API5: variants seen among roughly 807,000 people sequenced by gnomAD.
API5 encodes FIF.
API5 carries 6 observed loss-of-function variants against 71.9 expected under a neutral mutation model. The ratio of observed to expected loss-of-function variants is 0.08; its 90% CI spans 0.05 to 0.16. The LOEUF is 0.16. Ranked by LOEUF, API5 falls within the 10% of genes least tolerant of loss-of-function variation. The probability of loss-of-function intolerance (pLI) is 1.00; values close to 1 mark genes in which losing one functional copy is unlikely to be tolerated. For synonymous variants in API5, 189 were observed against 221.3 expected (o/e 0.85, Z 1.30); for missense variants, 332 against 612.8 (o/e 0.54, Z 4.84).
chr11:43,336,490 G>A (rs751807369), intron 13 of API5, among the ~76,000 whole-genome samples: 6 of 152,178 alleles, frequency 3.9e-5, no homozygotes, highest in Non-Finnish European at 5.9e-5. Flanking sequence ...CAAGGAAGAT[G>A]TGTTCTATTG....
Position 43,322,069 on chromosome 11 carries a change from T to G in API5, c.476T>G (p.Leu159Arg), listed in dbSNP as rs1341583986. 11 of 1,613,576 alleles carry G rather than the reference T, an allele frequency of 6.8e-6. No individual in the cohort carries two copies. Among genetic ancestry groups the G allele is most frequent in the East Asian group, 2.2e-5 (1 of 44,834 alleles). ...GCAATTAAATTCCTTTCTACAAAAC[T>G]TAAGACTTTACCAGATGAAGTCTTA... Reference protein sequence around the residue: ...ERAIKFLSTKLKTLPDEVLTK... With the variant: ...ERAIKFLSTKRKTLPDEVLTK... The change falls in exon 5 of 14, where the codon CTT (leucine) becomes CGT (arginine). Residue 159 changes from leucine to arginine, a missense_variant. Around this residue, in one of 3 missense-constraint regions of API5, gnomAD observed 127 missense variants for 237.6 expected, o/e 0.53. Coordinates refer to ENST00000531273, the MANE Select transcript of API5 (RefSeq NM_001142930.2).
chr11:43,312,699 A>G (rs11823539), intron 1 of API5, among the ~76,000 whole-genome samples: 36,244 of 151,902 alleles, frequency 0.24, 6,668 homozygotes, highest in African/African-American at 0.5. Context: ...CTTTGATGAG[A>G]GCTCACGGTT....
rs1406206304 is a variant in API5 at position 43,344,285 on chromosome 11, C to G, written c.*1775C>G. 1 of 152,562 alleles carries G rather than the reference C, an allele frequency of 6.6e-6. No individual in the cohort carries two copies. The highest frequency in any genetic ancestry group is 1.5e-5 in the Non-Finnish European group (1 of 68,030). 9.5% of individuals were successfully genotyped at this position (152,562 alleles called of 1,614,324 possible). A position where few individuals can be genotyped will look rare whatever the true frequency, so the allele number is the denominator to read the frequency against. Reference sequence around the variant, plus strand: ...GTCTTTATAAGCATATTTGTAAACTCAGAACTGAGCAGAAGTGACTTTACT... The same window carrying G: ...GTCTTTATAAGCATATTTGTAAACTGAGAACTGAGCAGAAGTGACTTTACT... On this transcript the variant is annotated 3_prime_UTR_variant, in exon 14 of 14. Coordinates refer to ENST00000531273, the MANE Select transcript of API5 (RefSeq NM_001142930.2).
At chr11:43,322,244 C>G (rs1854919908) in intron 5 of API5, 108 bp downstream of exon 5, 2 of 1,061,830 alleles carry the variant, frequency 1.9e-6, no homozygotes, top group African/African-American at 1.6e-5. Context: ...AATGATATAT[C>G]ATATATCCCA....
chr11:43,322,467 C>G (rs201475335), intron 5 of API5, among the ~76,000 whole-genome samples: 3 of 152,114 alleles, frequency 2.0e-5, no homozygotes, highest in African/African-American at 7.2e-5. Context: ...AGGATACTCT[C>G]TCATAGTATT....
chr11:43,340,920 A>G (rs2134389690), intron 13 of API5, among the ~76,000 whole-genome samples: 1 of 152,280 alleles, frequency 6.6e-6, no homozygotes, highest in South Asian at 2.1e-4. Flanking sequence ...ACAGGCAACA[A>G]AAACATGGGA....
intron 13 of API5, among the ~76,000 whole-genome samples, chr11:43,340,827 A>G (rs955264530): frequency 6.6e-6 from 1 of 152,200 alleles, no homozygotes; most frequent in Non-Finnish European, 1.5e-5. Context: ...AAGACCTAAA[A>G]CAATAAAACT....
chr11:43,333,193 A>G lies in API5; in HGVS notation c.1279-2085A>G, dbSNP rs182114314. ...GGTTGAAGGACCCCCATGGATACCA[A>G]AACCCTCAGATTAACCCTCATTAAA... is the stretch of plus-strand genomic sequence containing the variant. On this transcript the variant is annotated intron_variant, in intron 11 of 13. Coordinates refer to ENST00000531273, the MANE Select transcript of API5 (RefSeq NM_001142930.2). 6.5e-4 allele frequency among the ~76,000 whole-genome samples: 99 copies of G among 152,332 alleles called. 1 individual carries two copies. The highest frequency in any genetic ancestry group is 1.2e-3 in the Non-Finnish European group (80 of 68,026).
intron 2 of API5, among the ~76,000 whole-genome samples, chr11:43,319,739 G>A (rs1854801330): frequency 6.6e-6 from 1 of 152,076 alleles, no homozygotes; most frequent in African/African-American, 2.4e-5. Context: ...TGTAAAAATC[G>A]AATAAGCCAA....
chr11:43,342,983 T>A lies in API5; in HGVS notation c.*473T>A, dbSNP rs1430785076. On this transcript the variant is annotated 3_prime_UTR_variant, in exon 14 of 14. Coordinates refer to ENST00000531273, the MANE Select transcript of API5 (RefSeq NM_001142930.2). Reference sequence around the variant, plus strand: ...GTTTAATAAAGCTGCTGGGCAGTGGTGCAGCATTCCTACCTAGTGTCATAA... The same window carrying A: ...GTTTAATAAAGCTGCTGGGCAGTGGAGCAGCATTCCTACCTAGTGTCATAA... 3 of 242,778 alleles carry A rather than the reference T, an allele frequency of 1.2e-5. No individual in the cohort carries two copies. Among genetic ancestry groups the A allele is most frequent in the African/African-American group, 2.3e-5 (1 of 44,188 alleles). 15.0% of individuals were successfully genotyped at this position (242,778 alleles called of 1,614,324 possible).
Position 43,312,831 on chromosome 11 carries a change from C to T in API5, c.69+635C>T, listed in dbSNP as rs531598105. 6.6e-5 allele frequency among the ~76,000 whole-genome samples: 10 copies of T among 152,170 alleles called. No individual in the cohort carries two copies. The South Asian group carries it at 1.9e-3, about 28-fold the overall frequency. ...TAAGAAAGATAGGCATTGTGAGGCC[C>T]GGCTTGGTGGCTCACGCCTGTAATC... On this transcript the variant is annotated intron_variant, in intron 1 of 13. Transcript: ENST00000531273.
At chr11:43,319,003 T>C (rs1482397691) in intron 2 of API5, 2 of 480,974 alleles carry the variant, frequency 4.2e-6, no homozygotes, top group African/African-American at 2.0e-5. Context: ...GAAAAATGCA[T>C]AGAATCTCAA....
Position 43,328,739 on chromosome 11 carries a change from G to T in API5, c.973G>T (p.Ala325Ser). ...ATACATGCCCCTCCCTCCAGAAGAG[G>T]CAGAAAATGGAGAGAATGCTGGTAA... is the stretch of plus-strand genomic sequence containing the variant. ...LEYMPLPPEE[A>S]ENGENAGNEE... The change falls in exon 9 of 14, where the codon GCA becomes TCA. Residue 325 changes from alanine (A) to serine (S), a missense_variant. This residue lies in a region of API5 where 168 missense variants were observed against 343.9 expected (regional missense o/e 0.49). Transcript: ENST00000531273. The T allele has an allele frequency of 6.2e-7, 1 of 1,613,662 alleles. No individual in the cohort carries two copies. The highest frequency in any genetic ancestry group is 2.2e-5 in the East Asian group (1 of 44,898).
intron 7 of API5, among the ~76,000 whole-genome samples, chr11:43,327,383 T>A (rs1282235934): frequency 6.6e-6 from 1 of 152,260 alleles, no homozygotes; most frequent in Non-Finnish European, 1.5e-5. Context: ...GAGTAATTAG[T>A]TCTTAGCTGT....
intron 1 of API5, among the ~76,000 whole-genome samples, chr11:43,312,729 T>C (rs1854524152): frequency 6.6e-6 from 1 of 152,104 alleles, no homozygotes; most frequent in Admixed American, 6.5e-5. Flanking sequence ...CAGTGCATTT[T>C]TTTGAGTGCC....
intron 12 of API5, 102 bp downstream of exon 12, chr11:43,335,456 G>A (rs1855401483): frequency 1.5e-6 from 1 of 683,514 alleles, no homozygotes. Context: ...ATAATAGCAT[G>A]TTTAAATATG....
At chr11:43,324,492 G>A (rs1163718132) in intron 6 of API5, among the ~76,000 whole-genome samples, 1 of 152,052 alleles carries the variant, frequency 6.6e-6, no homozygotes, top group Non-Finnish European at 1.5e-5. Context: ...GCCCGTCCCT[G>A]TAATCCCAAT....
rs943660683 is a variant in API5, at chr11:43,343,171, T to TATAC, written c.*673_*676dup. 9.1e-5 allele frequency: 14 copies of TATAC among 154,418 alleles called. No homozygotes were observed. Among genetic ancestry groups the TATAC allele is most frequent in the Non-Finnish European group, 2.9e-5 (2 of 69,418 alleles). The allele number at this position is 154,418 out of a possible 1,614,324, so 9.6% of individuals were successfully genotyped here. On this transcript the variant is annotated 3_prime_UTR_variant, in exon 14 of 14. Coordinates refer to ENST00000531273, the MANE Select transcript of API5 (RefSeq NM_001142930.2). ...TTTGAATAGAAATGTGTATGTATAA[T>TATAC]ATACATACATACATAAGCATATATG...
chr11:43,315,245 C>T (rs940574210), intron 1 of API5, among the ~76,000 whole-genome samples: 4 of 152,142 alleles, frequency 2.6e-5, no homozygotes, highest in African/African-American at 9.7e-5. Context: ...GAGGTTTTAT[C>T]GGCTAATTTC....
Sources: allele counts gnomAD v4.1 joint callset (sites outside exome capture counted in the v4.1 genomes callset), GRCh38; gene constraint gnomAD v4.1.1; regional missense constraint gnomAD v4.1.1; transcripts MANE v1.5; gene names NCBI Gene and HGNC (gene_info 2026-07-23, HGNC 2026-07-21).